Variants in SLC30A6 observed in about 807,000 individuals in gnomAD.
The protein encoded by SLC30A6 is solute carrier family 30 member 6, also known as zinc transporter 6.
A neutral mutation model predicts 63.0 loss-of-function variants in SLC30A6; 55 were observed. The observed-to-expected ratio is 0.87, with a 90% CI of 0.70 to 1.09. The LOEUF (loss-of-function observed/expected upper bound fraction) is 1.09. Among genes scored for constraint, SLC30A6 ranks in the 50% least tolerant of loss-of-function variants. SLC30A6 has a pLI of 0.00. For synonymous variants in SLC30A6, 224 were observed against 186.1 expected, an observed-to-expected ratio of 1.20 and a Z score of -1.66; for missense variants, 587 against 549.2, an observed-to-expected ratio of 1.07 and a Z score of -0.69.
At chr2:32,204,748 T>C in intron 11 of SLC30A6, 56 bp downstream of exon 11, 1 of 1,069,356 alleles carries the variant, frequency 9.4e-7, no homozygotes, top group South Asian at 1.8e-5. Context: ...TTCTACCAGA[T>C]TAAAAAGTTG....
chr2:32,196,374 A>T (rs902323191), intron 8 of SLC30A6, among the ~76,000 whole-genome samples: 2 of 152,148 alleles, frequency 1.3e-5, no homozygotes, highest in Non-Finnish European at 2.9e-5. Context: ...GTGGGAAATA[A>T]TATTAAGTAC....
In SLC30A6 at chr2:32,184,435, A is replaced by T. The variant is rs1204766455; in HGVS notation, c.284+97A>T. ...GCTAGCTAGAGTATTTCTGGAAAAT[A>T]AATGCTGCGTACTTAGTGAAATGAT... On this transcript the variant is annotated intron_variant, in intron 5 of 13. Transcript: ENST00000282587. 5 of 611,976 alleles carry T rather than the reference A, an allele frequency of 8.2e-6. No homozygotes were observed. In the East Asian group the frequency reaches 1.8e-4, roughly 22 times the overall value. The allele number at this position is 611,976 out of a possible 1,614,324, so 37.9% of individuals were successfully genotyped here.
intron 4 of SLC30A6, among the ~76,000 whole-genome samples, chr2:32,180,410 C>CA (rs35253594): frequency 0.098 from 11,473 of 117,254 alleles, 580 homozygotes; most frequent in Middle Eastern, 0.18. Flanking sequence ...TACCCTGTCT[C>CA]AAAAAAAAAA....
chr2:32,210,556 A>T (rs1012656337), intron 13 of SLC30A6, among the ~76,000 whole-genome samples: 8 of 148,834 alleles, frequency 5.4e-5, no homozygotes, highest in Non-Finnish European at 1.0e-4. Context: ...AAATGAGATC[A>T]TGCTGTTTTA....
At chr2:32,176,233 CAGTA>C (rs549655387) in intron 4 of SLC30A6, among the ~76,000 whole-genome samples, 220 of 152,164 alleles carry the variant, frequency 1.4e-3, no homozygotes, top group Non-Finnish European at 2.3e-3. Context: ...TCTTCACTAA[CAGTA>C]AGAGAAATGC....
intron 1 of SLC30A6, among the ~76,000 whole-genome samples, chr2:32,167,008 G>A (rs1471639545): frequency 6.6e-6 from 1 of 150,942 alleles, no homozygotes; most frequent in African/African-American, 2.4e-5. Flanking sequence ...TAGCACTCAA[G>A]ATAAAGTCCT....
chr2:32,199,769 T>A (rs963467747), intron 10 of SLC30A6, among the ~76,000 whole-genome samples: 2 of 152,102 alleles, frequency 1.3e-5, no homozygotes, highest in Non-Finnish European at 1.5e-5. Context: ...CTCTCACCAC[T>A]CCCCAAGCCA....
At chr2:32,214,607 A>G (rs1458427113) in intron 13 of SLC30A6, 6 of 152,182 alleles carry the variant, frequency 3.9e-5, no homozygotes, top group African/African-American at 1.4e-4. Flanking sequence ...ATGGCTTATA[A>G]ACACAAAGAA....
rs57425197 is a variant in SLC30A6, at chr2:32,218,520, C to CTTTTGTTTTG, written c.886-1646_886-1637dup. On this transcript the variant is annotated intron_variant, in intron 13 of 13. Coordinates refer to ENST00000282587, the MANE Select transcript of SLC30A6 (RefSeq NM_017964.5). ...ATTTTTGGCCTGGCTCAGCTCTCCT[C>CTTTTGTTTTG]TTTTGTTTTGTTTTGTTTTGTTTTG... Among the ~76,000 whole-genome samples the CTTTTGTTTTG allele has an allele frequency of 8.1e-3, 1,161 of 143,204 alleles. 20 individuals carry two copies. The highest frequency in any genetic ancestry group is 0.042 in the East Asian group (202 of 4,792). 93.9% of individuals were successfully genotyped at this position (143,204 alleles called of 152,430 possible). A position where few individuals can be genotyped will look rare whatever the true frequency, so the allele number is the denominator to read the frequency against.
chr2:32,188,293 A>G (rs1355623343), intron 5 of SLC30A6, among the ~76,000 whole-genome samples: 1 of 152,194 alleles, frequency 6.6e-6, no homozygotes, highest in Non-Finnish European at 1.5e-5. Context: ...GAATGGCCCA[A>G]TCAAAAATAG....
intron 12 of SLC30A6, among the ~76,000 whole-genome samples, chr2:32,207,827 A>G (rs1160986375): frequency 2.0e-5 from 3 of 147,226 alleles, no homozygotes; most frequent in African/African-American, 7.6e-5. Context: ...CAGCCTCCCA[A>G]GCAGCTGGGA....
chr2:32,203,669 G>T (rs1349245637), intron 10 of SLC30A6: 16 of 1,559,252 alleles, frequency 1.0e-5, no homozygotes, highest in Non-Finnish European at 1.4e-5. Context: ...ACCAGAATGT[G>T]CCTCCTGAAA....
intron 4 of SLC30A6, among the ~76,000 whole-genome samples, chr2:32,183,546 G>A (rs1225782774): frequency 6.6e-6 from 1 of 151,576 alleles, no homozygotes; most frequent in Non-Finnish European, 1.5e-5. Flanking sequence ...AAATTAGCCG[G>A]GCATGGTGGT....
At chr2:32,220,167 A>G (rs772068275) in intron 13 of SLC30A6, 46 bp from the exon 14 acceptor site, 2 of 1,529,514 alleles carry the variant, frequency 1.3e-6, no homozygotes, top group Non-Finnish European at 1.8e-6. Context: ...ATTTTTTGTT[A>G]GTATAATTCT....
chr2:32,189,810 A>G (rs1034030474), intron 5 of SLC30A6, among the ~76,000 whole-genome samples: 11 of 151,368 alleles, frequency 7.3e-5, no homozygotes, highest in Non-Finnish European at 1.0e-4. Flanking sequence ...GGGTCTCACC[A>G]TATTGCCCAG....
intron 4 of SLC30A6, among the ~76,000 whole-genome samples, chr2:32,180,687 C>T (rs1052893890): frequency 1.3e-5 from 2 of 152,174 alleles, no homozygotes; most frequent in Non-Finnish European, 2.9e-5. Flanking sequence ...CCCGCCTCAG[C>T]CTGCCAAAGT....
At chr2:32,208,257 A>G (rs1409826671) in intron 12 of SLC30A6, among the ~76,000 whole-genome samples, 1 of 151,346 alleles carries the variant, frequency 6.6e-6, no homozygotes, top group African/African-American at 2.4e-5. Context: ...CAACCTCCTG[A>G]GTAGCTGGGA....
Position 32,222,512 on chromosome 2 carries a change from C to G in SLC30A6, c.*1799C>G, listed in dbSNP as rs1686193564. 1 of 152,108 alleles carries G rather than the reference C, an allele frequency of 6.6e-6. No individual in the cohort carries two copies. The highest frequency in any genetic ancestry group is 1.5e-5 in the Non-Finnish European group (1 of 68,022). The allele number at this position is 152,108 out of a possible 1,614,324, so 9.4% of individuals were successfully genotyped here. ...AAAACATCCAAGAAGCCATCTCTGT[C>G]AAGCAGAATTGTCATCTGTGGTAAT... On this transcript the variant is annotated 3_prime_UTR_variant, in exon 14 of 14. Coordinates refer to ENST00000282587, the MANE Select transcript of SLC30A6 (RefSeq NM_017964.5).
chr2:32,185,220 A>T (rs1482139255), intron 5 of SLC30A6, among the ~76,000 whole-genome samples: 1 of 152,140 alleles, frequency 6.6e-6, no homozygotes, highest in Non-Finnish European at 1.5e-5. Context: ...AATTAGCTGC[A>T]CATGGTGGTG....
Sources: allele counts gnomAD v4.1 joint callset (sites outside exome capture counted in the v4.1 genomes callset), GRCh38; gene constraint gnomAD v4.1.1; transcripts MANE v1.5; gene names NCBI Gene and HGNC (gene_info 2026-07-23, HGNC 2026-07-21).